Variants in MID1 observed in about 807,000 individuals in gnomAD.
MID1 encodes E3 ubiquitin-protein ligase Midline-1.
A neutral mutation model predicts 40.4 loss-of-function variants in MID1; 7 were observed. That is an observed-to-expected ratio of 0.17 (90% CI 0.10 to 0.33). The LOEUF is 0.33. Among genes scored for constraint, MID1 ranks in the 10% least tolerant of loss-of-function variants. The pLI, the probability that MID1 is intolerant of heterozygous loss-of-function variation, is 1.00. For synonymous variants in MID1, 229 were observed against 221.2 expected (o/e 1.04, Z -0.31); for missense variants, 367 against 558.5 (o/e 0.66, Z 3.46).
intron 2 of MID1, among the ~76,000 whole-genome samples, chrX:10,559,317 T>G (rs929653065): frequency 4.5e-5 from 5 of 112,172 alleles, no homozygotes; most frequent in African/African-American, 1.6e-4. Context: ...ACTAAACAAA[T>G]GCTGCCATAA....
chrX:10,449,644 C>A lies in MID1; in HGVS notation c.1728G>T (p.Ala576=). The change falls in exon 10 of 10, where the codon GCG becomes GCT. Residue 576 remains alanine, a synonymous_variant. Coordinates refer to ENST00000317552, the MANE Select transcript of MID1 (RefSeq NM_000381.4). ...EWIGKNSASW[A]LCRCNNNWVV... ...CCCAGTTATTGTTGCAGCGGCAGAG[C>A]GCCCAGGAAGCAGAGTTCTTCCCAA... is the stretch of plus-strand genomic sequence containing the variant. 1 of 1,211,391 alleles carries A rather than the reference C, an allele frequency of 8.3e-7. No individual in the cohort carries two copies. The highest frequency in any genetic ancestry group is 1.1e-6 in the Non-Finnish European group (1 of 895,366).
chrX:10,481,397 T>C (rs1479866993), intron 5 of MID1, among the ~76,000 whole-genome samples: 1 of 112,229 alleles, frequency 8.9e-6, no homozygotes, highest in Non-Finnish European at 1.9e-5. Flanking sequence ...TTATGTGGCA[T>C]TGGCTGTACC....
At chrX:10,591,659 G>T (rs1251112687) in intron 1 of MID1, among the ~76,000 whole-genome samples, 1 of 110,422 alleles carries the variant, frequency 9.1e-6, no homozygotes, top group Non-Finnish European at 1.9e-5. Context: ...TCCAAAGAGG[G>T]GTGCTCCGTT....
intron 1 of MID1, among the ~76,000 whole-genome samples, chrX:10,807,293 A>G (rs781061556): frequency 3.6e-5 from 4 of 111,868 alleles, no homozygotes; most frequent in Non-Finnish European, 7.5e-5. Context: ...ACAATGACAA[A>G]TAGCATATTG....
intron 1 of MID1, among the ~76,000 whole-genome samples, chrX:10,651,577 C>T (rs1238284366): frequency 8.9e-6 from 1 of 112,281 alleles, no homozygotes; most frequent in African/African-American, 3.2e-5. Context: ...GCTATTCATC[C>T]AATTAGTCAA....
intron 1 of MID1, among the ~76,000 whole-genome samples, chrX:10,613,712 T>TATATATATATATATATATAC (rs1935776848): frequency 2.0e-5 from 1 of 50,567 alleles, no homozygotes; most frequent in Non-Finnish European, 3.3e-5. Flanking sequence ...TATATATATA[T>TATATATATATATATATATAC]ATATATATAT....
chrX:10,548,171 C>T (rs1027249258), intron 2 of MID1, among the ~76,000 whole-genome samples: 1 of 111,494 alleles, frequency 9.0e-6, no homozygotes, highest in Non-Finnish European at 1.9e-5. Context: ...ATTTATGTGG[C>T]CAAATTGATT....
chrX:10,560,529 G>T (rs779311416), intron 2 of MID1, among the ~76,000 whole-genome samples: 80 of 111,294 alleles, frequency 7.2e-4, no homozygotes, highest in South Asian at 2.3e-3. Context: ...AAAGTCTCAG[G>T]ATACAAAATC....
intron 4 of MID1, among the ~76,000 whole-genome samples, chrX:10,486,626 G>A (rs1418420383): frequency 2.7e-5 from 3 of 112,237 alleles, no homozygotes; most frequent in African/African-American, 9.7e-5. Flanking sequence ...CAAAGTACTA[G>A]CTCAAGAGAA....
chrX:10,748,852 T>C (rs1569161207), intron 1 of MID1, among the ~76,000 whole-genome samples: 1 of 111,486 alleles, frequency 9.0e-6, no homozygotes, highest in Non-Finnish European at 1.9e-5. Context: ...AGCATGTTAG[T>C]ATCATGGATG....
intron 4 of MID1, among the ~76,000 whole-genome samples, chrX:10,486,890 C>T (rs1452398419): frequency 1.8e-5 from 2 of 111,762 alleles, no homozygotes; most frequent in African/African-American, 6.5e-5. Context: ...TGCTCTGTCA[C>T]CCAGGCTGGA....
chrX:10,732,190 C>G (rs1401392187), intron 1 of MID1, among the ~76,000 whole-genome samples: 1 of 110,236 alleles, frequency 9.1e-6, no homozygotes. Flanking sequence ...CATTATATAC[C>G]ATAGTCAGTG....
intron 3 of MID1, among the ~76,000 whole-genome samples, chrX:10,497,168 T>C (rs780205727): frequency 1.1e-4 from 12 of 112,414 alleles, no homozygotes; most frequent in African/African-American, 3.9e-4. Flanking sequence ...CTGTTTCCTT[T>C]TGACCTCAAA....
At chrX:10,728,217 C>A (rs1292694109) in intron 1 of MID1, among the ~76,000 whole-genome samples, 2 of 110,785 alleles carry the variant, frequency 1.8e-5, no homozygotes, top group Non-Finnish European at 3.8e-5. Context: ...ACGTAGGCTG[C>A]AATATGGCAC....
Position 10,820,916 on chromosome X carries a change from T to G in MID1, c.-187+12638A>C, listed in dbSNP as rs183198304. 3.0e-3 allele frequency among the ~76,000 whole-genome samples: 335 copies of G among 112,433 alleles called. 3 individuals are homozygous for G. The highest frequency in any genetic ancestry group is 4.8e-3 in the Non-Finnish European group (255 of 53,306). On this transcript the variant is annotated intron_variant, in intron 1 of 10. Transcript: ENST00000380785. ...TTGACTATAACATGAAAATTTGTCA[T>G]AAAAACAATTCCTTGGGTTGCTGAA...
intron 1 of MID1, among the ~76,000 whole-genome samples, chrX:10,604,575 G>GA (rs995770325): frequency 2.9e-4 from 32 of 110,827 alleles, no homozygotes; most frequent in African/African-American, 9.5e-4. Context: ...TTTGTTGTCA[G>GA]AAAAAAAAGG....
At chrX:10,777,900 C>T (rs1271675762) in intron 1 of MID1, among the ~76,000 whole-genome samples, 2 of 111,375 alleles carry the variant, frequency 1.8e-5, no homozygotes, top group Non-Finnish European at 3.8e-5. Flanking sequence ...TCAATATCAC[C>T]GTCTTACACC....
At chrX:10,513,407 C>T (rs1178554721) in intron 3 of MID1, among the ~76,000 whole-genome samples, 2 of 112,541 alleles carry the variant, frequency 1.8e-5, no homozygotes, top group African/African-American at 3.2e-5. Flanking sequence ...GTTACCTTCT[C>T]ACCTGCAATC....
At chrX:10,476,931 G>T (rs926675484) in intron 5 of MID1, among the ~76,000 whole-genome samples, 9 of 112,135 alleles carry the variant, frequency 8.0e-5, no homozygotes, top group Non-Finnish European at 1.7e-4. Context: ...TATGACCCAT[G>T]AACACAAAAA....
Sources: gnomAD v4.1 joint callset for allele counts (sites outside exome capture counted in the v4.1 genomes callset) on GRCh38, gnomAD v4.1.1 for gene constraint, MANE v1.5 for transcripts, NCBI Gene and HGNC (gene_info 2026-07-23, HGNC 2026-07-21) for gene names.